DGKB: variants seen among roughly 807,000 people sequenced by gnomAD.
DGKB encodes diacylglycerol kinase beta, also known as 90 kDa diacylglycerol kinase.
Under a neutral mutation model 114.3 loss-of-function variants are expected in DGKB, and 67 were observed. The observed-to-expected ratio is 0.59, with a 90% CI of 0.48 to 0.72. DGKB has a LOEUF of 0.72. Among genes scored for constraint, DGKB ranks in the 30% least tolerant of loss-of-function variants. The pLI, the probability that DGKB is intolerant of heterozygous loss-of-function variation, is 0.00. For missense variants in DGKB, 907 were observed against 975.2 expected, an observed-to-expected ratio of 0.93 and a Z score of 0.93; for synonymous variants, 398 against 323.1, an observed-to-expected ratio of 1.23 and a Z score of -2.49.
chr7:14,377,193 C>T (rs1818631103), intron 21 of DGKB, among the ~76,000 whole-genome samples: 1 of 152,072 alleles, frequency 6.6e-6, no homozygotes. Context: ...GAATTGTTTC[C>T]TGATTAGGCT....
chr7:14,309,298 C>T (rs1380778975), intron 23 of DGKB, among the ~76,000 whole-genome samples: 3 of 152,128 alleles, frequency 2.0e-5, no homozygotes, highest in African/African-American at 4.8e-5. Flanking sequence ...CAGTGGTTAG[C>T]ACATAGTAGA....
At chr7:14,287,618 G>A (rs1801081159) in intron 23 of DGKB, among the ~76,000 whole-genome samples, 1 of 152,104 alleles carries the variant, frequency 6.6e-6, no homozygotes, top group Admixed American at 6.6e-5. Context: ...TGGTTAATGT[G>A]ATATTAGACC....
intron 5 of DGKB, among the ~76,000 whole-genome samples, chr7:14,729,402 A>T (rs563085712): frequency 2.0e-5 from 3 of 152,118 alleles, no homozygotes; most frequent in Non-Finnish European, 4.4e-5. Context: ...GATTACAGGC[A>T]CGAGCCATCA....
chr7:14,547,390 C>T (rs984675613), intron 20 of DGKB, among the ~76,000 whole-genome samples: 1 of 152,060 alleles, frequency 6.6e-6, no homozygotes, highest in Non-Finnish European at 1.5e-5. Flanking sequence ...AAATGTATGA[C>T]AATTATATTA....
chr7:14,913,755 T>C (rs1163694348), intron 1 of DGKB, among the ~76,000 whole-genome samples: 6 of 152,110 alleles, frequency 3.9e-5, no homozygotes, highest in African/African-American at 1.4e-4. Context: ...TTTTGACTTA[T>C]AGTTTCAACT....
intron 21 of DGKB, among the ~76,000 whole-genome samples, chr7:14,374,788 G>A (rs886546457): frequency 1.3e-5 from 2 of 152,122 alleles, no homozygotes; most frequent in African/African-American, 2.4e-5. Context: ...CCTGTGCATT[G>A]TAGGATGTTT....
At chr7:14,885,860 T>G (rs1033321748) in intron 1 of DGKB, among the ~76,000 whole-genome samples, 3 of 151,912 alleles carry the variant, frequency 2.0e-5, no homozygotes, top group African/African-American at 7.2e-5. Flanking sequence ...TCTTAATCAC[T>G]GTGCTAAACA....
chr7:14,896,460 G>T (rs946635590), intron 1 of DGKB, among the ~76,000 whole-genome samples: 35 of 151,228 alleles, frequency 2.3e-4, no homozygotes, highest in Admixed American at 1.7e-3. Flanking sequence ...AATAAATTTT[G>T]TAGCCTCAAT....
chr7:14,233,229 G>A (rs1423182596), intron 23 of DGKB, among the ~76,000 whole-genome samples: 1 of 152,026 alleles, frequency 6.6e-6, no homozygotes, highest in Non-Finnish European at 1.5e-5. Context: ...TAGAAAGGAA[G>A]TGGTGGGGAA....
At chr7:14,779,902 AC>A (rs1838808000) in intron 2 of DGKB, among the ~76,000 whole-genome samples, 1 of 152,124 alleles carries the variant, frequency 6.6e-6, no homozygotes, top group Non-Finnish European at 1.5e-5. Context: ...AAATGGTTTG[AC>A]CTAGCTTTTT....
chr7:14,733,727 G>A (rs1831244487), intron 5 of DGKB, among the ~76,000 whole-genome samples: 1 of 139,576 alleles, frequency 7.2e-6, no homozygotes, highest in African/African-American at 2.9e-5. Context: ...GAAAGAGAAA[G>A]AAATAAAGAA....
rs867339521 is a variant in DGKB at position 14,709,732 on chromosome 7, C to T, written c.467-8002G>A. ...ATCGCAAGAACAAAAAACCAAACAC[C>T]GCATATTCTCACTCAGAGGTGGGAA... On this transcript the variant is annotated intron_variant, in intron 6 of 25. Transcript: ENST00000402815. Among the ~76,000 whole-genome samples, 1,429 of 143,324 alleles carry T rather than the reference C, an allele frequency of 1.0e-2. 26 individuals are homozygous for T. Among genetic ancestry groups the T allele is most frequent in the African/African-American group, 0.035 (1,330 of 38,526 alleles). 94.0% of individuals were successfully genotyped at this position (143,324 alleles called of 152,430 possible).
At chr7:14,620,643 T>C (rs1222760964) in intron 15 of DGKB, among the ~76,000 whole-genome samples, 1 of 151,764 alleles carries the variant, frequency 6.6e-6, no homozygotes, top group Non-Finnish European at 1.5e-5. Flanking sequence ...AAATCCACAA[T>C]TTCATAAATT....
rs562543703 is a variant in DGKB, at chr7:14,914,974, A to G, written c.-188+59722T>C. 3.9e-5 allele frequency among the ~76,000 whole-genome samples: 6 copies of G among 152,256 alleles called. No homozygotes were observed. In the South Asian group the frequency reaches 1.2e-3, roughly 32 times the overall value. ...GGAGGAAAATAAGGTCTTCTGAAAT[A>G]AAATATAAAGAGCAAAAATAATTTA... On this transcript the variant is annotated intron_variant, in intron 1 of 4. Transcript: ENST00000437998.
intron 2 of DGKB, among the ~76,000 whole-genome samples, chr7:14,778,678 A>G (rs1265550651): frequency 6.6e-6 from 1 of 152,160 alleles, no homozygotes; most frequent in African/African-American, 2.4e-5. Context: ...CTAAGAAACG[A>G]TTGGTTTTAT....
intron 20 of DGKB, among the ~76,000 whole-genome samples, chr7:14,546,224 A>C (rs1794260268): frequency 6.6e-6 from 1 of 152,094 alleles, no homozygotes; most frequent in Non-Finnish European, 1.5e-5. Flanking sequence ...ATTTCATTTG[A>C]ATTTCTTTTT....
intron 20 of DGKB, among the ~76,000 whole-genome samples, chr7:14,549,011 G>A (rs1794723158): frequency 6.6e-6 from 1 of 151,724 alleles, no homozygotes; most frequent in African/African-American, 2.4e-5. Context: ...CCAGGGCAAT[G>A]CAGAGAGGAA....
intron 23 of DGKB, among the ~76,000 whole-genome samples, chr7:14,262,340 G>A (rs181219468): frequency 3.3e-5 from 5 of 152,324 alleles, no homozygotes; most frequent in African/African-American, 1.2e-4. Context: ...ATTAGGTCAT[G>A]AGGGTAGGAC....
At chr7:14,487,002 T>A (rs1041711667) in intron 20 of DGKB, among the ~76,000 whole-genome samples, 2 of 152,244 alleles carry the variant, frequency 1.3e-5, no homozygotes, top group Admixed American at 1.3e-4. Flanking sequence ...CTTATTAAAA[T>A]TGATACGTAG....
Sources: allele counts gnomAD v4.1 joint callset (sites outside exome capture counted in the v4.1 genomes callset), GRCh38; gene constraint gnomAD v4.1.1; transcripts MANE v1.5; gene names NCBI Gene and HGNC (gene_info 2026-07-23, HGNC 2026-07-21).